The following STIM2 variants were observed in gnomAD, a reference collection of about 807,000 sequenced individuals.
STIM2 encodes stromal interaction molecule 2.
In STIM2, 31 loss-of-function variants were observed where a neutral mutation model predicts 85.8. The ratio of observed to expected loss-of-function variants is 0.36; its 90% confidence interval spans 0.27 to 0.49. The LOEUF is 0.49. Ranked by LOEUF, STIM2 falls within the 20% of genes least tolerant of loss-of-function variation. The pLI is 0.98. For missense variants in STIM2, 841 were observed against 927.6 expected (o/e 0.91, Z 1.21); for synonymous variants, 356 against 331.1 (o/e 1.08, Z -0.82).
At chr4:26,942,177 G>T (rs1035811871) in intron 2 of STIM2, among the ~76,000 whole-genome samples, 3 of 152,092 alleles carry the variant, frequency 2.0e-5, no homozygotes, top group African/African-American at 7.2e-5. Flanking sequence ...ATCTGCATTT[G>T]TGTCCATAAG....
chr4:26,885,432 C>T (rs1723180415), intron 1 of STIM2, among the ~76,000 whole-genome samples: 1 of 152,082 alleles, frequency 6.6e-6, no homozygotes, highest in Non-Finnish European at 1.5e-5. Context: ...AGATTTGCTT[C>T]CCTATTTTTG....
intron 2 of STIM2, among the ~76,000 whole-genome samples, chr4:26,922,224 TTTTATA>T (rs1724829049): frequency 6.6e-6 from 1 of 151,898 alleles, no homozygotes; most frequent in South Asian, 2.1e-4. Context: ...TGTATTATAT[TTTTATA>T]TTTATATTTT....
chr4:26,891,597 AC>A (rs1312544455), intron 1 of STIM2, among the ~76,000 whole-genome samples: 1 of 130,288 alleles, frequency 7.7e-6, no homozygotes, highest in African/African-American at 3.2e-5. Flanking sequence ...ACACACACAC[AC>A]CCCCTTTTGG....
chr4:26,944,792 A>G (rs1725752498), intron 2 of STIM2, among the ~76,000 whole-genome samples: 1 of 152,170 alleles, frequency 6.6e-6, no homozygotes, highest in Admixed American at 6.5e-5. Context: ...CCCCAACACT[A>G]TCTGTTAACT....
At chr4:26,939,046 A>G (rs1725501202) in intron 2 of STIM2, among the ~76,000 whole-genome samples, 1 of 151,928 alleles carries the variant, frequency 6.6e-6, no homozygotes, top group Non-Finnish European at 1.5e-5. Context: ...AATATTGGAA[A>G]CTTCTGGGTA....
chr4:26,957,047 C>T (rs1046443935), intron 2 of STIM2, among the ~76,000 whole-genome samples: 19 of 151,972 alleles, frequency 1.3e-4, no homozygotes, highest in Admixed American at 5.2e-4. Flanking sequence ...TCTTCCCCTG[C>T]GGATACCAAA....
chr4:26,982,158 G>A (rs1031230342), intron 3 of STIM2, among the ~76,000 whole-genome samples: 4 of 152,256 alleles, frequency 2.6e-5, no homozygotes, highest in Admixed American at 2.6e-4. Context: ...ATAAGGAAGA[G>A]AATTAAACAG....
At chr4:26,887,501 C>T (rs941229536) in intron 1 of STIM2, among the ~76,000 whole-genome samples, 4 of 152,048 alleles carry the variant, frequency 2.6e-5, no homozygotes, top group Non-Finnish European at 5.9e-5. Context: ...ACTTATTGCT[C>T]CTGAACAACT....
chr4:26,897,926 A>T (rs1723771836), intron 1 of STIM2, among the ~76,000 whole-genome samples: 1 of 152,070 alleles, frequency 6.6e-6, no homozygotes, highest in African/African-American at 2.4e-5. Context: ...ACCATGCCTG[A>T]CTAATTTTTA....
chr4:26,987,303 G>C (rs558108971), intron 3 of STIM2, among the ~76,000 whole-genome samples: 136 of 152,276 alleles, frequency 8.9e-4, no homozygotes, highest in African/African-American at 3.0e-3. Flanking sequence ...GTGACATGGT[G>C]GTGGGACCGA....
At chr4:26,938,215 T>C (rs1486409065) in intron 2 of STIM2, among the ~76,000 whole-genome samples, 1 of 151,862 alleles carries the variant, frequency 6.6e-6, no homozygotes, top group Admixed American at 6.6e-5. Flanking sequence ...GTCCCCAGCT[T>C]TATTGAGGTA....
At chr4:26,955,413 AC>A (rs1190893107) in intron 2 of STIM2, among the ~76,000 whole-genome samples, 1 of 148,200 alleles carries the variant, frequency 6.7e-6, no homozygotes, top group African/African-American at 2.6e-5. Context: ...AACTGATTGG[AC>A]CATTTCCAAG....
intron 1 of STIM2, among the ~76,000 whole-genome samples, chr4:26,905,901 G>A (rs1452065689): frequency 6.6e-6 from 1 of 151,766 alleles, no homozygotes; most frequent in Non-Finnish European, 1.5e-5. Context: ...AAATTATATT[G>A]TTTTTGTATT....
Position 26,983,891 on chromosome 4 carries a change from A to G in STIM2, c.398-11488A>G, listed in dbSNP as rs182878378. On this transcript the variant is annotated intron_variant, in intron 3 of 11. Coordinates refer to ENST00000467087, the MANE Select transcript of STIM2 (RefSeq NM_020860.4). ...TGTGCAGTCAGTAAATATTTGCTGC[A>G]TGAAGGAATTCCAAGTTGCCTACAG... is the stretch of plus-strand genomic sequence containing the variant. Among the ~76,000 whole-genome samples, 722 of 152,368 alleles carry G rather than the reference A, an allele frequency of 4.7e-3. 8 individuals carry two copies. Among genetic ancestry groups the G allele is most frequent in the African/African-American group, 0.017 (701 of 41,600 alleles).
chr4:26,861,508 T>A (rs1246884138), intron 1 of STIM2, 139 bp downstream of exon 1: 12 of 1,199,394 alleles, frequency 1.0e-5, no homozygotes, highest in Non-Finnish European at 1.3e-5. Flanking sequence ...TGCCTGCTGC[T>A]TCGTCGCGGT....
At chr4:26,955,806 G>GC (rs1183990619) in intron 2 of STIM2, among the ~76,000 whole-genome samples, 4 of 125,458 alleles carry the variant, frequency 3.2e-5, no homozygotes, top group African/African-American at 7.1e-5. Context: ...CAGTTGCTGT[G>GC]GAAGTGTTTT....
intron 11 of STIM2, chr4:27,021,206 C>A: frequency 1.4e-6 from 1 of 690,206 alleles, no homozygotes; most frequent in South Asian, 2.0e-5. Context: ...GCAGAGAAGA[C>A]AGAAGTTAAT....
At chr4:27,020,563 A>G (rs1027857165) in intron 11 of STIM2, among the ~76,000 whole-genome samples, 1 of 152,238 alleles carries the variant, frequency 6.6e-6, no homozygotes, top group African/African-American at 2.4e-5. Context: ...TGCAGTAAAG[A>G]CGATCTTCAT....
At chr4:27,005,226 A>AT (rs1423562160) in intron 7 of STIM2, among the ~76,000 whole-genome samples, 8 of 152,154 alleles carry the variant, frequency 5.3e-5, no homozygotes, top group Admixed American at 1.3e-4. Flanking sequence ...ATATAGTGTT[A>AT]TTTTTCCTAG....
Sources: allele counts gnomAD v4.1 joint callset (sites outside exome capture counted in the v4.1 genomes callset), GRCh38; gene constraint gnomAD v4.1.1; transcripts MANE v1.5; gene names NCBI Gene and HGNC (gene_info 2026-07-23, HGNC 2026-07-21).